The following TTLL5 variants were observed in gnomAD, a reference collection of about 807,000 sequenced individuals.
TTLL5 encodes tubulin tyrosine ligase like 5.
TTLL5 carries 132 observed loss-of-function variants against 168.4 expected under a neutral mutation model. The observed-to-expected ratio is 0.78, with a 90% CI of 0.68 to 0.91. The LOEUF (loss-of-function observed/expected upper bound fraction) is 0.91. Ranked by LOEUF, TTLL5 falls within the 40% of genes least tolerant of loss-of-function variation. The probability of loss-of-function intolerance (pLI) is 0.00; values close to 1 mark genes in which losing one functional copy is unlikely to be tolerated. For synonymous variants in TTLL5, 546 were observed against 558.6 expected, an observed-to-expected ratio of 0.98 and a Z score of 0.32; for missense variants, 1,545 against 1,581.5, an observed-to-expected ratio of 0.98 and a Z score of 0.39.
At chr14:75,858,155 A>C (rs1035221419) in intron 28 of TTLL5, among the ~76,000 whole-genome samples, 1 of 152,230 alleles carries the variant, frequency 6.6e-6, no homozygotes, top group African/African-American at 2.4e-5. Flanking sequence ...TGAGGAAGCC[A>C]ATAGAATCAA....
chr14:75,695,966 C>A (rs78063346), intron 6 of TTLL5, among the ~76,000 whole-genome samples: 3,166 of 149,984 alleles, frequency 0.021, 99 homozygotes, highest in African/African-American at 0.061. Flanking sequence ...ATCATAGCTC[C>A]CCATAACCTC....
intron 15 of TTLL5, among the ~76,000 whole-genome samples, chr14:75,740,077 GT>G (rs1889157633): frequency 6.6e-6 from 1 of 152,122 alleles, no homozygotes; most frequent in African/African-American, 2.4e-5. Flanking sequence ...TGTTTTCAGT[GT>G]TTGTTGATGT....
rs545550187 is a variant in TTLL5, at chr14:75,700,890, G to A, written c.585+1620G>A. 5.3e-5 allele frequency among the ~76,000 whole-genome samples: 8 copies of A among 152,122 alleles called. No individual in the cohort carries two copies. In the South Asian group the frequency reaches 1.7e-3, roughly 32 times the overall value. ...GAAATTTAACCAGGATTTAGGCCTG[G>A]ACCAGTTTTTTATTCTTCCTCCTGG... On this transcript the variant is annotated intron_variant, in intron 7 of 31. Coordinates refer to ENST00000298832, the MANE Select transcript of TTLL5 (RefSeq NM_015072.5).
chr14:75,904,095 A>G (rs1299669245), intron 31 of TTLL5: 7 of 1,243,760 alleles, frequency 5.6e-6, no homozygotes, highest in Non-Finnish European at 7.2e-6. Flanking sequence ...TCCCAGCCAC[A>G]CTGATCCATG....
intron 30 of TTLL5, among the ~76,000 whole-genome samples, chr14:75,886,161 A>G (rs1294621766): frequency 6.6e-6 from 1 of 152,252 alleles, no homozygotes; most frequent in Non-Finnish European, 1.5e-5. Flanking sequence ...AACTTCTTCT[A>G]GCACAGAAGT....
At chr14:75,778,166 T>A (rs8021397) in intron 23 of TTLL5, among the ~76,000 whole-genome samples, 111,222 of 152,104 alleles carry the variant, frequency 0.73, 40,957 homozygotes, top group Admixed American at 0.79. Flanking sequence ...TATAACATAT[T>A]GTTAACTAAT....
At chr14:75,727,997 TCTAA>T (rs929791725) in intron 12 of TTLL5, among the ~76,000 whole-genome samples, 3 of 152,166 alleles carry the variant, frequency 2.0e-5, no homozygotes, top group African/African-American at 4.8e-5. Flanking sequence ...TACACTTAGA[TCTAA>T]CTATTTCATC....
chr14:75,717,986 A>C, intron 10 of TTLL5, 24 bp downstream of exon 10: 1 of 1,606,406 alleles, frequency 6.2e-7, no homozygotes, highest in Non-Finnish European at 8.5e-7. Flanking sequence ...CTGAGCCAGA[A>C]GTCAGAGGTG....
intron 29 of TTLL5, among the ~76,000 whole-genome samples, chr14:75,864,902 A>G (rs2030379168): frequency 6.6e-6 from 1 of 152,186 alleles, no homozygotes. Context: ...AATTATTATT[A>G]TAGTCTGTCT....
intron 6 of TTLL5, among the ~76,000 whole-genome samples, chr14:75,691,460 A>G (rs1885456356): frequency 6.6e-6 from 1 of 152,102 alleles, no homozygotes; most frequent in South Asian, 2.1e-4. Context: ...AGGCACCTCT[A>G]CTCTGGTAGT....
At chr14:75,775,027 C>CTT (rs539261075) in intron 21 of TTLL5, among the ~76,000 whole-genome samples, 1 of 141,170 alleles carries the variant, frequency 7.1e-6, no homozygotes, top group Admixed American at 7.1e-5. Context: ...GTGTTTCTAA[C>CTT]TTTTTTTTTT....
At chr14:75,733,368 G>A (rs568421899) in intron 13 of TTLL5, among the ~76,000 whole-genome samples, 2 of 152,250 alleles carry the variant, frequency 1.3e-5, no homozygotes, top group African/African-American at 4.8e-5. Flanking sequence ...CGTCACTGCC[G>A]CAGGGAGGCC....
At chr14:75,759,461 A>G (rs185864762) in intron 18 of TTLL5, among the ~76,000 whole-genome samples, 155 of 152,258 alleles carry the variant, frequency 1.0e-3, no homozygotes, top group African/African-American at 3.6e-3. Flanking sequence ...CATTTGAGGA[A>G]TAATAACACC....
chr14:75,942,945 T>C (rs573003672), intron 31 of TTLL5, among the ~76,000 whole-genome samples: 2 of 152,334 alleles, frequency 1.3e-5, no homozygotes, highest in African/African-American at 4.8e-5. Context: ...ACTTCATTTA[T>C]TTCATAAATG....
intron 28 of TTLL5, among the ~76,000 whole-genome samples, chr14:75,843,464 T>C (rs1223827077): frequency 6.6e-6 from 1 of 152,242 alleles, no homozygotes; most frequent in Non-Finnish European, 1.5e-5. Flanking sequence ...CACATCCATC[T>C]AGATTTAAAC....
chr14:75,945,500 C>T (rs185824983), intron 31 of TTLL5, among the ~76,000 whole-genome samples: 1 of 151,992 alleles, frequency 6.6e-6, no homozygotes, highest in Admixed American at 6.6e-5. Context: ...CATGATCTGC[C>T]CGCCTCAGCC....
chr14:75,936,259 A>G (rs1344804121), intron 31 of TTLL5, among the ~76,000 whole-genome samples: 2 of 152,166 alleles, frequency 1.3e-5, no homozygotes, highest in Non-Finnish European at 2.9e-5. Context: ...GAAAATAGAG[A>G]GTTCCAAGAT....
intron 5 of TTLL5, among the ~76,000 whole-genome samples, chr14:75,686,204 T>C (rs1276975768): frequency 6.6e-6 from 1 of 152,196 alleles, no homozygotes; most frequent in African/African-American, 2.4e-5. Flanking sequence ...CATAGATCAA[T>C]GAGTCCAGTC....
chr14:75,725,084 A>G (rs1412337109), intron 12 of TTLL5, among the ~76,000 whole-genome samples: 1 of 152,218 alleles, frequency 6.6e-6, no homozygotes, highest in Non-Finnish European at 1.5e-5. Context: ...TGTTCTGATC[A>G]GAGCCCAGTG....
Sources: gnomAD v4.1 joint callset for allele counts (sites outside exome capture counted in the v4.1 genomes callset) on GRCh38, gnomAD v4.1.1 for gene constraint, MANE v1.5 for transcripts, NCBI Gene and HGNC (gene_info 2026-07-23, HGNC 2026-07-21) for gene names.